TMEFF1: variants seen among roughly 807,000 people sequenced by gnomAD.
TMEFF1 encodes tomoregulin-1.
TMEFF1 carries 20 observed loss-of-function variants against 47.5 expected under a neutral mutation model. The ratio of observed to expected loss-of-function variants is 0.42; its 90% confidence interval spans 0.30 to 0.61. TMEFF1 has a LOEUF of 0.61. TMEFF1 is among the 20% of genes least tolerant of loss of function. The probability of loss-of-function intolerance (pLI) is 0.19; values close to 1 mark genes in which losing one functional copy is unlikely to be tolerated. For synonymous variants in TMEFF1, 162 were observed against 166.3 expected, an observed-to-expected ratio of 0.97 and a Z score of 0.20; for missense variants, 411 against 471.1, an observed-to-expected ratio of 0.87 and a Z score of 1.18.
chr9:100,524,612 C>T (rs531125431), intron 5 of TMEFF1, among the ~76,000 whole-genome samples: 109 of 152,336 alleles, frequency 7.2e-4, no homozygotes, highest in African/African-American at 2.6e-3. Context: ...ATGGACTGCT[C>T]TGCTCTGTGT....
At chr9:100,519,088 A>G (rs1272437860) in intron 5 of TMEFF1, among the ~76,000 whole-genome samples, 1 of 152,190 alleles carries the variant, frequency 6.6e-6, no homozygotes, top group African/African-American at 2.4e-5. Context: ...TATGAACTGC[A>G]TTGGAATCAG....
At chr9:100,505,696 T>G (rs1001603899) in intron 2 of TMEFF1, among the ~76,000 whole-genome samples, 2 of 152,146 alleles carry the variant, frequency 1.3e-5, no homozygotes. Flanking sequence ...TCTGGTAAAT[T>G]ACAGTAATGT....
At chr9:100,501,000 C>T (rs1837745634) in intron 2 of TMEFF1, among the ~76,000 whole-genome samples, 1 of 152,166 alleles carries the variant, frequency 6.6e-6, no homozygotes, top group African/African-American at 2.4e-5. Context: ...GAAACGTGCT[C>T]TGAGTTTATA....
At chr9:100,543,877 G>A (rs532190915) in intron 5 of TMEFF1, among the ~76,000 whole-genome samples, 1 of 152,022 alleles carries the variant, frequency 6.6e-6, no homozygotes, top group African/African-American at 2.4e-5. Flanking sequence ...TTAATTCTGG[G>A]TTTGAGATTT....
chr9:100,535,319 C>T (rs1171015324), intron 5 of TMEFF1, among the ~76,000 whole-genome samples: 1 of 152,154 alleles, frequency 6.6e-6, no homozygotes, highest in Non-Finnish European at 1.5e-5. Flanking sequence ...TTAGTGAACG[C>T]TTTGTTTTAT....
At chr9:100,489,999 C>G (rs1277422242) in intron 1 of TMEFF1, among the ~76,000 whole-genome samples, 4 of 151,644 alleles carry the variant, frequency 2.6e-5, no homozygotes, top group Admixed American at 2.6e-4. Flanking sequence ...CTGGAGAGTC[C>G]TGATACAGGC....
chr9:100,519,702 G>T (rs1370844420), intron 5 of TMEFF1, among the ~76,000 whole-genome samples: 2 of 118,630 alleles, frequency 1.7e-5, no homozygotes, highest in Admixed American at 1.2e-4. Flanking sequence ...CTCTTCATCA[G>T]CCTGGTCCCA....
At chr9:100,499,948 A>G (rs1837727443) in intron 2 of TMEFF1, among the ~76,000 whole-genome samples, 1 of 152,202 alleles carries the variant, frequency 6.6e-6, no homozygotes, top group African/African-American at 2.4e-5. Context: ...TCAATTACGT[A>G]GAATGATAGG....
chr9:100,545,293 A>G (rs1175549422), intron 5 of TMEFF1, among the ~76,000 whole-genome samples: 1 of 152,154 alleles, frequency 6.6e-6, no homozygotes, highest in East Asian at 1.9e-4. Flanking sequence ...ATCCTCTGAA[A>G]TCTAGGTGGA....
intron 1 of TMEFF1, among the ~76,000 whole-genome samples, chr9:100,475,268 T>G (rs943074304): frequency 6.6e-6 from 1 of 152,172 alleles, no homozygotes; most frequent in Admixed American, 6.5e-5. Context: ...AGGCCTTAAA[T>G]CTTTTAATAA....
At chr9:100,560,851 G>C (rs1839001636) in intron 7 of TMEFF1, among the ~76,000 whole-genome samples, 1 of 152,076 alleles carries the variant, frequency 6.6e-6, no homozygotes. Flanking sequence ...TATATGAAAA[G>C]AGCAGCAAAG....
intron 2 of TMEFF1, among the ~76,000 whole-genome samples, chr9:100,502,350 T>A (rs1238169095): frequency 2.6e-5 from 4 of 152,176 alleles, no homozygotes; most frequent in African/African-American, 9.7e-5. Context: ...GATTTTCACC[T>A]TATATTTATC....
At chr9:100,569,634 AC>A (rs1839188590) in intron 8 of TMEFF1, among the ~76,000 whole-genome samples, 2 of 152,156 alleles carry the variant, frequency 1.3e-5, no homozygotes, top group South Asian at 4.2e-4. Context: ...ACAAAGATTT[AC>A]TCCTATGTTT....
intron 2 of TMEFF1, among the ~76,000 whole-genome samples, chr9:100,501,935 G>A (rs182612421): frequency 2.0e-3 from 309 of 152,208 alleles, no homozygotes; most frequent in African/African-American, 6.8e-3. Flanking sequence ...GAGCCACCGC[G>A]CCTGGCTACT....
chr9:100,549,276 G>A (rs1484550409), intron 6 of TMEFF1, among the ~76,000 whole-genome samples: 2 of 152,136 alleles, frequency 1.3e-5, no homozygotes, highest in African/African-American at 4.8e-5. Flanking sequence ...AAAGGGAGGT[G>A]TCATGCACTT....
intron 5 of TMEFF1, among the ~76,000 whole-genome samples, chr9:100,538,139 G>A (rs1488210467): frequency 1.3e-5 from 2 of 151,764 alleles, no homozygotes; most frequent in Non-Finnish European, 2.9e-5. Context: ...TGCAACCTCC[G>A]CCTCCTGGGT....
At chr9:100,557,212 G>A (rs1838930660) in intron 7 of TMEFF1, among the ~76,000 whole-genome samples, 1 of 151,632 alleles carries the variant, frequency 6.6e-6, no homozygotes, top group African/African-American at 2.4e-5. Flanking sequence ...AGTTGTAAAA[G>A]TGTTAATCAT....
chr9:100,486,747 C>T (rs1413392939), intron 1 of TMEFF1, among the ~76,000 whole-genome samples: 1 of 151,220 alleles, frequency 6.6e-6, no homozygotes, highest in African/African-American at 2.4e-5. Context: ...ATCCTCCTAC[C>T]TCAGCCTCCT....
intron 5 of TMEFF1, among the ~76,000 whole-genome samples, chr9:100,534,333 C>T (rs929746813): frequency 3.3e-5 from 5 of 152,084 alleles, no homozygotes; most frequent in African/African-American, 1.2e-4. Context: ...CCTTCATATT[C>T]AGTTTCTGTA....
Sources: allele counts gnomAD v4.1 joint callset (sites outside exome capture counted in the v4.1 genomes callset), GRCh38; gene constraint gnomAD v4.1.1; transcripts MANE v1.5; gene names NCBI Gene and HGNC (gene_info 2026-07-23, HGNC 2026-07-21).